CNTN4: variants seen among roughly 807,000 people sequenced by gnomAD.
CNTN4 encodes the protein contactin 4.
In CNTN4, 77 loss-of-function variants were observed where a neutral mutation model predicts 122.5. The ratio of observed to expected loss-of-function variants is 0.63; its 90% CI spans 0.52 to 0.76. The LOEUF is 0.76. CNTN4 is among the 30% of genes least tolerant of loss of function. CNTN4 has a pLI of 0.00. For missense variants in CNTN4, 1,256 were observed against 1,259.1 expected (o/e 1.00, Z 0.04); for synonymous variants, 512 against 447.0 (o/e 1.15, Z -1.83).
intron 2 of CNTN4, among the ~76,000 whole-genome samples, chr3:2,101,105 T>A (rs1313749330): frequency 6.6e-6 from 1 of 152,236 alleles, no homozygotes; most frequent in Non-Finnish European, 1.5e-5. Flanking sequence ...TCATTTCATA[T>A]TGGCAGGTAA....
chr3:2,133,638 A>G (rs1402424656), intron 2 of CNTN4, among the ~76,000 whole-genome samples: 1 of 152,164 alleles, frequency 6.6e-6, no homozygotes, highest in Non-Finnish European at 1.5e-5. Flanking sequence ...CATTATCCTT[A>G]ATATTTACTG....
At chr3:2,784,206 A>T (rs1270672653) in intron 6 of CNTN4, among the ~76,000 whole-genome samples, 2 of 152,188 alleles carry the variant, frequency 1.3e-5, no homozygotes, top group Non-Finnish European at 2.9e-5. Context: ...AACATGAATG[A>T]GTGAACGGGG....
chr3:2,206,861 C>T (rs982642090), intron 2 of CNTN4, among the ~76,000 whole-genome samples: 1 of 146,410 alleles, frequency 6.8e-6, no homozygotes, highest in Admixed American at 6.9e-5. Flanking sequence ...TGCATTACTG[C>T]ACTTCGCAGA....
chr3:2,567,997 T>A (rs914051771), intron 3 of CNTN4, among the ~76,000 whole-genome samples: 2 of 152,112 alleles, frequency 1.3e-5, no homozygotes, highest in Non-Finnish European at 2.9e-5. Flanking sequence ...GTGAGCTCCT[T>A]GAGGACAAGA....
intron 2 of CNTN4, among the ~76,000 whole-genome samples, chr3:2,267,539 A>G (rs1017791660): frequency 2.0e-5 from 3 of 152,114 alleles, no homozygotes; most frequent in Non-Finnish European, 4.4e-5. Context: ...TATACATGAC[A>G]ATCATATCTC....
intron 2 of CNTN4, among the ~76,000 whole-genome samples, chr3:2,283,897 A>G (rs1272723407): frequency 6.6e-6 from 1 of 152,168 alleles, no homozygotes; most frequent in African/African-American, 2.4e-5. Context: ...CTAAAAAAGC[A>G]TATTTCCCTT....
rs1024119476 is a variant in CNTN4 at position 3,022,906 on chromosome 3, G to A, written c.1487-3196G>A. Among the ~76,000 whole-genome samples the A allele has an allele frequency of 5.3e-5, 8 of 152,124 alleles. No individual in the cohort carries two copies. In the South Asian group the frequency reaches 6.2e-4, roughly 12 times the overall value. On this transcript the variant is annotated intron_variant, in intron 14 of 24. Transcript: ENST00000418658. Reference sequence around the variant, plus strand: ...TATTTAATTACATCCAAATCCAGCCGTCAGTTCACATCTTCAGTTCTAATT... The same window carrying A: ...TATTTAATTACATCCAAATCCAGCCATCAGTTCACATCTTCAGTTCTAATT...
At chr3:2,759,269 C>G (rs2149676793) in intron 6 of CNTN4, among the ~76,000 whole-genome samples, 1 of 152,254 alleles carries the variant, frequency 6.6e-6, no homozygotes, top group South Asian at 2.1e-4. Context: ...TATTCTCCTG[C>G]CTCAGCCTCC....
chr3:2,411,111 A>G (rs1346196053), intron 3 of CNTN4, among the ~76,000 whole-genome samples: 1 of 152,202 alleles, frequency 6.6e-6, no homozygotes, highest in Non-Finnish European at 1.5e-5. Flanking sequence ...TTTCTCACTT[A>G]TAAGTGGGAG....
intron 13 of CNTN4, among the ~76,000 whole-genome samples, chr3:2,958,017 A>G (rs1245212089): frequency 6.6e-6 from 1 of 152,102 alleles, no homozygotes; most frequent in Non-Finnish European, 1.5e-5. Context: ...TTTTGATGAT[A>G]TTTTGATTTG....
chr3:2,992,941 C>T (rs1577538641), intron 14 of CNTN4, among the ~76,000 whole-genome samples: 1 of 152,298 alleles, frequency 6.6e-6, no homozygotes, highest in East Asian at 1.9e-4. Context: ...ACAAATCTAA[C>T]TCCTAGGGAG....
At chr3:2,461,187 T>C (rs2151432555) in intron 3 of CNTN4, among the ~76,000 whole-genome samples, 1 of 152,316 alleles carries the variant, frequency 6.6e-6, no homozygotes, top group African/African-American at 2.4e-5. Flanking sequence ...ATTTCCCCTG[T>C]CTGTGTTCTC....
chr3:2,522,055 A>G (rs527430784), intron 3 of CNTN4, among the ~76,000 whole-genome samples: 2 of 152,088 alleles, frequency 1.3e-5, no homozygotes, highest in Admixed American at 1.3e-4. Flanking sequence ...TTAATTAAAC[A>G]CAGAGCACTT....
At chr3:2,886,490 GA>G (rs2093980763) in intron 9 of CNTN4, among the ~76,000 whole-genome samples, 1 of 149,314 alleles carries the variant, frequency 6.7e-6, no homozygotes, top group African/African-American at 2.4e-5. Flanking sequence ...TTTCAATGAT[GA>G]TATTGTATAG....
chr3:2,623,452 T>C (rs1399307719), intron 4 of CNTN4, among the ~76,000 whole-genome samples: 2 of 152,146 alleles, frequency 1.3e-5, no homozygotes, highest in African/African-American at 2.4e-5. Flanking sequence ...TGGGATGATA[T>C]TTAGCTGTTA....
chr3:2,959,718 A>G (rs904497857), intron 13 of CNTN4, among the ~76,000 whole-genome samples: 1 of 151,918 alleles, frequency 6.6e-6, no homozygotes, highest in Non-Finnish European at 1.5e-5. Context: ...ACAGTTTGGG[A>G]TCTGTAAAAA....
intron 3 of CNTN4, among the ~76,000 whole-genome samples, chr3:2,559,991 C>A (rs1320757212): frequency 6.6e-6 from 1 of 152,114 alleles, no homozygotes. Flanking sequence ...TAATAGTTAG[C>A]TATAAATACA....
intron 14 of CNTN4, among the ~76,000 whole-genome samples, chr3:2,989,495 A>C (rs1694867799): frequency 6.6e-6 from 1 of 152,206 alleles, no homozygotes; most frequent in Admixed American, 6.5e-5. Context: ...TTTGCCTTTA[A>C]TTTAAAGAAG....
chr3:3,042,284 A>G, intron 20 of CNTN4, 26 bp from the exon 21 acceptor site: 1 of 1,472,354 alleles, frequency 6.8e-7, no homozygotes, highest in South Asian at 1.1e-5. Context: ...TGATAGAGTA[A>G]TAACTATCTC....
Sources: gnomAD v4.1 joint callset for allele counts (sites outside exome capture counted in the v4.1 genomes callset) on GRCh38, gnomAD v4.1.1 for gene constraint, MANE v1.5 for transcripts, NCBI Gene and HGNC (gene_info 2026-07-23, HGNC 2026-07-21) for gene names.